PLCB2: variants seen among roughly 807,000 people sequenced by gnomAD.
The protein encoded by PLCB2 is phospholipase C beta 2.
A neutral mutation model predicts 141.7 loss-of-function variants in PLCB2; 115 were observed. The observed-to-expected ratio is 0.81, with a 90% CI of 0.70 to 0.95. The LOEUF (loss-of-function observed/expected upper bound fraction) is 0.95. Among genes scored for constraint, PLCB2 ranks in the 40% least tolerant of loss-of-function variants. The pLI is 0.00. For missense variants in PLCB2, 1,403 were observed against 1,541.1 expected (o/e 0.91, Z 1.50); for synonymous variants, 603 against 595.6 (o/e 1.01, Z -0.18).
At chr15:40,301,814 C>A in intron 7 of PLCB2, 143 bp downstream of exon 7, 1 of 742,618 alleles carries the variant, frequency 1.3e-6, no homozygotes, top group Non-Finnish European at 2.4e-6. Context: ...CAGTAACCAG[C>A]AGCTCCAGGG....
At position 40,302,428 on chromosome 15, in the gene PLCB2, TCCCAGGGG is replaced by T. The variant is rs1476584203; in HGVS notation, c.372+33_372+40del. On this transcript the variant is annotated intron_variant, in intron 4 of 31. Coordinates refer to ENST00000260402, the MANE Select transcript of PLCB2 (RefSeq NM_004573.3). ...TGTGTCTCTCAGGAAGTCCAGGCTA[TCCCAGGGG>T]CCCAGACCCAGGCCCAGTGCTCCCT... 5.6e-6 allele frequency: 9 copies of T among 1,613,194 alleles called. No homozygotes were observed. The Admixed American group carries it at 8.3e-5, about 15-fold the overall frequency.
chr15:40,295,149 T>C (rs1328491875), intron 17 of PLCB2, 52 bp downstream of exon 17: 35 of 1,609,870 alleles, frequency 2.2e-5, no homozygotes, highest in South Asian at 3.3e-5. Flanking sequence ...CAGGCCCTCC[T>C]CTGGCTCCCC....
chr15:40,302,828 C>G (rs1173641361), intron 3 of PLCB2, among the ~76,000 whole-genome samples: 1 of 152,244 alleles, frequency 6.6e-6, no homozygotes, highest in African/African-American at 2.4e-5. Context: ...AGATGGCGGG[C>G]AGGCGGGGAG....
intron 1 of PLCB2, among the ~76,000 whole-genome samples, chr15:40,305,828 CT>C (rs2040767319): frequency 6.6e-6 from 1 of 152,226 alleles, no homozygotes; most frequent in South Asian, 2.1e-4. Flanking sequence ...CTCCCTATAG[CT>C]CATGCCTAGA....
chr15:40,290,884 G>T (rs371406089), intron 27 of PLCB2, 47 bp from the exon 28 acceptor site: 3 of 1,499,728 alleles, frequency 2.0e-6, no homozygotes, highest in African/African-American at 1.4e-5. Context: ...TTGTTGTTCA[G>T]AGGGAGTACG....
intron 10 of PLCB2, 67 bp from the exon 11 acceptor site, chr15:40,298,447 C>G (rs1473147458): frequency 3.8e-6 from 6 of 1,578,700 alleles, no homozygotes. Flanking sequence ...CCCCTACCGC[C>G]ACTCCATCAT....
rs1595621326 is a variant in PLCB2, at chr15:40,288,659, A to C, written c.*56T>G. ...TCCTTTTTCCTGGGGGAATAGAACC[A>C]CATCCCAGAGAAGGGGCTGAACCTC... On this transcript the variant is annotated 3_prime_UTR_variant, in exon 32 of 32. Coordinates refer to ENST00000260402, the MANE Select transcript of PLCB2 (RefSeq NM_004573.3). 54 of 1,482,442 alleles carry C rather than the reference A, an allele frequency of 3.6e-5. No homozygotes were observed. In the South Asian group the frequency reaches 6.5e-4, roughly 18 times the overall value. 91.8% of individuals were successfully genotyped at this position (1,482,442 alleles called of 1,614,324 possible).
At chr15:40,305,272 C>A (rs993324793) in intron 1 of PLCB2, among the ~76,000 whole-genome samples, 1 of 151,188 alleles carries the variant, frequency 6.6e-6, no homozygotes, top group Non-Finnish European at 1.5e-5. Context: ...TGGTTTGCTG[C>A]ACCTGTCAAC....
chr15:40,303,576 C>G (rs915448292), intron 2 of PLCB2, among the ~76,000 whole-genome samples: 1 of 152,158 alleles, frequency 6.6e-6, no homozygotes, highest in Non-Finnish European at 1.5e-5. Context: ...CCCTTTCCCT[C>G]TGTCCATTCC....
At chr15:40,306,635 G>A (rs74013045) in intron 1 of PLCB2, among the ~76,000 whole-genome samples, 2,559 of 152,230 alleles carry the variant, frequency 0.017, 76 homozygotes, top group African/African-American at 0.058. Context: ...CATGGGCAGC[G>A]AGATCCCCTA....
chr15:40,296,458 C>T (rs2040222442), intron 15 of PLCB2, 64 bp downstream of exon 15: 4 of 1,613,102 alleles, frequency 2.5e-6, no homozygotes, highest in Non-Finnish European at 2.5e-6. Context: ...GGGCCCAAGG[C>T]CCCCATCCAG....
chr15:40,299,145 A>G lies in PLCB2; in HGVS notation c.666T>C (p.Asp222=), dbSNP rs759290950. ...LMSLCPRPEI[D]EIFTSYHAKA... is the part of the protein sequence containing the mutation. ...AAACTCACTAAGAAGTGAAGATCTC[A>G]TCTATTTCTGGCCGAGGACAGAGGC... The change falls in exon 8 of 32, where the codon GAT becomes GAC. Residue 222 remains aspartate, a synonymous_variant. Transcript: ENST00000260402. 1 of 1,597,204 alleles carries G rather than the reference A, an allele frequency of 6.3e-7. No individual in the cohort carries two copies. The highest frequency in any genetic ancestry group is 8.6e-7 in the Non-Finnish European group (1 of 1,165,268).
intron 19 of PLCB2, 29 bp from the exon 20 acceptor site, chr15:40,293,753 A>G: frequency 6.3e-7 from 1 of 1,597,944 alleles, no homozygotes; most frequent in Non-Finnish European, 8.6e-7. Context: ...GAAAACCAGC[A>G]TCAAATCCCC....
rs1416924486 is a variant in PLCB2 at position 40,297,935 on chromosome 15, T to C, written c.1180A>G (p.Ser394Gly). 6.2e-7 allele frequency: 1 copy of C among 1,612,600 alleles called. No homozygotes were observed. The highest frequency in any genetic ancestry group is 1.7e-5 in the Admixed American group (1 of 60,014). ...GGATAGGGGGAGGTCTTAAAGGCGC[T>C]TTCTGCAATAGCCTCAATTGCTTCC... is the stretch of plus-strand genomic sequence containing the variant. ...FKEAIEAIAE[S>G]AFKTSPYPII... Residue 394 changes from serine (S) to glycine (G), a missense_variant, in exon 12 of 32, where the codon AGC (serine) becomes GGC (glycine). This residue lies in a region of PLCB2 where 975 missense variants were observed against 1,141.1 expected (regional missense o/e 0.85). Coordinates refer to ENST00000260402, the MANE Select transcript of PLCB2 (RefSeq NM_004573.3). The surrounding 1 kb of genome is among the most constrained non-coding windows in gnomAD (Gnocchi z 4.2).
At position 40,289,333 on chromosome 15, in the gene PLCB2, T is replaced by C. The variant is rs756022780; in HGVS notation, c.3293A>G (p.Gln1098Arg). The change falls in exon 31 of 32, where the codon CAG (glutamine) becomes CGG (arginine). Residue 1098 changes from glutamine to arginine, a missense_variant. Physicochemically the swap from Gln to Arg is conservative, Grantham distance 43 (BLOSUM62 1). Transcript: ENST00000260402. ...CGCCTGCTTCTCCTCCAGCTTCTCC[T>C]GGTGCCTCTCCAAGTTCTCCGTCAT... ...KQMTENLERHQEKLEEKQAAC... is the reference protein window; with the variant it reads ...KQMTENLERHREKLEEKQAAC... The C allele has an allele frequency of 6.8e-6, 11 of 1,614,044 alleles. No homozygotes were observed. In the Admixed American group the frequency reaches 1.7e-4, roughly 24 times the overall value.
At chr15:40,303,460 A>G (rs1650845575) in intron 2 of PLCB2, 104 bp from the exon 3 acceptor site, 1 of 816,666 alleles carries the variant, frequency 1.2e-6, no homozygotes, top group Non-Finnish European at 2.1e-6. Context: ...CACACCCTTC[A>G]AATCTTGGCC....
At chr15:40,293,821 T>C in intron 19 of PLCB2, 97 bp from the exon 20 acceptor site, 1 of 1,241,064 alleles carries the variant, frequency 8.1e-7, no homozygotes, top group Non-Finnish European at 1.1e-6. Context: ...GAAGCATTCG[T>C]TCTTGGGTGT....
chr15:40,306,634 C>A (rs913186815), intron 1 of PLCB2, among the ~76,000 whole-genome samples: 2 of 152,144 alleles, frequency 1.3e-5, no homozygotes, highest in African/African-American at 2.4e-5. Context: ...TCATGGGCAG[C>A]GAGATCCCCT....
Position 40,288,870 on chromosome 15 carries a change from C to T in PLCB2, c.3403G>A (p.Glu1135Lys), listed in dbSNP as rs776671878. ...AEYEARMKGL[E>K]AEVKESVRAC... ...CTCACCGACTCCTTCACCTCTGCCT[C>T]CAGACCCTTCATCCTGGCCTCGTAC... The change falls in exon 32 of 32, where the codon GAG becomes AAG. Residue 1135 changes from glutamate (E) to lysine (K), a missense_variant. Physicochemically the swap from Glu to Lys is moderately conservative, Grantham distance 56. Coordinates refer to ENST00000260402, the MANE Select transcript of PLCB2 (RefSeq NM_004573.3). 6.2e-7 allele frequency: 1 copy of T among 1,614,038 alleles called. No homozygotes were observed. Among genetic ancestry groups the T allele is most frequent in the Non-Finnish European group, 8.5e-7 (1 of 1,180,014 alleles).
Sources: gnomAD v4.1 joint callset for allele counts (sites outside exome capture counted in the v4.1 genomes callset) on GRCh38, gnomAD v4.1.1 for gene constraint, gnomAD v4.1.1 regional missense constraint, Gnocchi (gnomAD v3.1) non-coding constraint, MANE v1.5 for transcripts, NCBI Gene and HGNC (gene_info 2026-07-23, HGNC 2026-07-21) for gene names.